Variants in SYT14 observed in about 807,000 individuals in gnomAD.
SYT14 encodes the protein synaptotagmin-14.
SYT14 carries 32 observed loss-of-function variants against 74.2 expected under a neutral mutation model. The ratio of observed to expected loss-of-function variants is 0.43; its 90% CI spans 0.33 to 0.58. The LOEUF (loss-of-function observed/expected upper bound fraction) is 0.58, where lower values mean the gene tolerates loss of function less well. SYT14 is among the 20% of genes least tolerant of loss of function. The pLI, the probability that SYT14 is intolerant of heterozygous loss-of-function variation, is 0.05. For missense variants in SYT14, 791 were observed against 981.8 expected (o/e 0.81, Z 2.60); for synonymous variants, 298 against 337.7 (o/e 0.88, Z 1.29).
intron 5 of SYT14, among the ~76,000 whole-genome samples, chr1:210,056,099 A>G (rs970195232): frequency 2.0e-5 from 3 of 152,226 alleles, no homozygotes; most frequent in Admixed American, 1.3e-4. Context: ...GATATAAATT[A>G]GCACCCAATG....
At chr1:210,070,998 T>TG (rs1217220391) in intron 5 of SYT14, among the ~76,000 whole-genome samples, 1 of 150,898 alleles carries the variant, frequency 6.6e-6, no homozygotes, top group African/African-American at 2.4e-5. Context: ...ACTGTGAGTC[T>TG]TGATAAAAAC....
intron 7 of SYT14, among the ~76,000 whole-genome samples, chr1:210,142,475 G>C (rs535867380): frequency 1.8e-4 from 27 of 152,268 alleles, no homozygotes; most frequent in Middle Eastern, 3.4e-3. Context: ...CATTCTGCCT[G>C]TAAGGGTGTT....
chr1:210,144,876 C>T (rs987774743), intron 7 of SYT14, among the ~76,000 whole-genome samples: 1 of 152,150 alleles, frequency 6.6e-6, no homozygotes, highest in Non-Finnish European at 1.5e-5. Context: ...ATTTAAAAAG[C>T]TCACACTTCC....
intron 2 of SYT14, among the ~76,000 whole-genome samples, chr1:210,001,372 CTAA>C (rs1295135363): frequency 2.0e-5 from 3 of 151,568 alleles, no homozygotes; most frequent in Non-Finnish European, 2.9e-5. Context: ...AGTTGATTTT[CTAA>C]TGTTACATTA....
At chr1:210,009,455 A>G (rs556831301) in intron 2 of SYT14, among the ~76,000 whole-genome samples, 222 of 152,280 alleles carry the variant, frequency 1.5e-3, no homozygotes, top group Admixed American at 4.1e-3. Context: ...TATTGTGTGA[A>G]CAGTATGTTT....
intron 5 of SYT14, among the ~76,000 whole-genome samples, chr1:210,022,488 T>C (rs989824674): frequency 1.3e-5 from 2 of 152,236 alleles, no homozygotes; most frequent in Non-Finnish European, 2.9e-5. Context: ...CCCCAAGTTA[T>C]GTACACCCCT....
intron 2 of SYT14, among the ~76,000 whole-genome samples, chr1:210,008,099 T>C (rs893142643): frequency 6.6e-6 from 1 of 152,172 alleles, no homozygotes; most frequent in African/African-American, 2.4e-5. Context: ...CTGTAAAATA[T>C]GGTTGCAGTG....
exon 10 of SYT14, chr1:210,162,561 T>G (rs1240592447): frequency 2.9e-6 from 1 of 343,138 alleles, no homozygotes; most frequent in African/African-American, 2.2e-5. Flanking sequence ...TCCTTCTCAT[T>G]TCTAGTTAAA....
chr1:210,024,681 A>G (rs1572175476), intron 5 of SYT14, among the ~76,000 whole-genome samples: 1 of 152,196 alleles, frequency 6.6e-6, no homozygotes, highest in African/African-American at 2.4e-5. Flanking sequence ...ATGCTTAGAG[A>G]ATAGAAACTA....
chr1:209,960,821 A>G (rs1014490695), intron 2 of SYT14, among the ~76,000 whole-genome samples: 2 of 152,180 alleles, frequency 1.3e-5, no homozygotes, highest in African/African-American at 4.8e-5. Flanking sequence ...TATCTGTTCA[A>G]TTCTGATAGT....
intron 5 of SYT14, among the ~76,000 whole-genome samples, chr1:210,058,662 A>G (rs1331688874): frequency 2.6e-5 from 4 of 152,178 alleles, no homozygotes; most frequent in Admixed American, 2.6e-4. Context: ...AGAAACCACC[A>G]TATCAGCAAA....
intron 5 of SYT14, among the ~76,000 whole-genome samples, chr1:210,056,809 T>C (rs916726648): frequency 6.6e-6 from 1 of 150,728 alleles, no homozygotes; most frequent in Non-Finnish European, 1.5e-5. Flanking sequence ...AACAAAAGTT[T>C]TTTTGAAAGC....
At chr1:210,031,378 G>A (rs2080530745) in intron 5 of SYT14, among the ~76,000 whole-genome samples, 1 of 152,016 alleles carries the variant, frequency 6.6e-6, no homozygotes, top group African/African-American at 2.4e-5. Flanking sequence ...ATATTGGTCT[G>A]TAGTTTTCTT....
intron 7 of SYT14, among the ~76,000 whole-genome samples, chr1:210,142,967 G>A (rs1306100292): frequency 1.3e-5 from 2 of 152,222 alleles, no homozygotes; most frequent in African/African-American, 4.8e-5. Context: ...GGAGAAAAAT[G>A]AGACTTTCAG....
In SYT14 at chr1:210,035,695, G is replaced by T. The variant is rs183870168; in HGVS notation, c.1312+14441G>T. On this transcript the variant is annotated intron_variant, in intron 5 of 9. Coordinates refer to ENST00000637265, the Ensembl canonical transcript of SYT14. ...TATGGAATAGTGTGTCATTTCCCCA[G>T]TGTATGTTTTGGTTGACTTTGTTAA... Among the ~76,000 whole-genome samples the T allele has an allele frequency of 8.6e-5, 13 of 151,830 alleles. No individual in the cohort carries two copies. The East Asian group carries it at 2.3e-3, about 27-fold the overall frequency.
chr1:210,142,419 A>C (rs531951384), intron 7 of SYT14, among the ~76,000 whole-genome samples: 14 of 152,234 alleles, frequency 9.2e-5, no homozygotes, highest in African/African-American at 3.1e-4. Flanking sequence ...GCCAGTGTTC[A>C]TGTTGCTTTT....
At chr1:210,001,753 C>T (rs567717009) in intron 2 of SYT14, among the ~76,000 whole-genome samples, 16 of 151,956 alleles carry the variant, frequency 1.1e-4, no homozygotes, top group Non-Finnish European at 2.1e-4. Flanking sequence ...AGCAAAGACT[C>T]GAAGGAGGTG....
chr1:210,086,868 T>C, intron 5 of SYT14, among the ~76,000 whole-genome samples: 1 of 152,222 alleles, frequency 6.6e-6, no homozygotes, highest in East Asian at 1.9e-4. Context: ...TTTTAGTTTT[T>C]TCTTTTTTCA....
At chr1:210,027,899 T>C (rs1055792778) in intron 5 of SYT14, among the ~76,000 whole-genome samples, 4 of 152,182 alleles carry the variant, frequency 2.6e-5, no homozygotes, top group African/African-American at 9.7e-5. Context: ...CTTATTGTGA[T>C]AAGATATATA....
Sources: allele counts gnomAD v4.1 joint callset (sites outside exome capture counted in the v4.1 genomes callset), GRCh38; gene constraint gnomAD v4.1.1; transcripts MANE v1.5; gene names NCBI Gene and HGNC (gene_info 2026-07-23, HGNC 2026-07-21).